Variants in USP47 observed in about 807,000 individuals in gnomAD.
USP47 encodes the protein ubiquitin specific peptidase 47.
In USP47, 35 loss-of-function variants were observed where a neutral mutation model predicts 165.1. The ratio of observed to expected loss-of-function variants is 0.21; its 90% CI spans 0.16 to 0.28. The LOEUF (loss-of-function observed/expected upper bound fraction) is 0.28. Among genes scored for constraint, USP47 ranks in the 10% least tolerant of loss-of-function variants. The probability of loss-of-function intolerance (pLI) is 1.00; values close to 1 mark genes in which losing one functional copy is unlikely to be tolerated. For missense variants in USP47, 1,277 were observed against 1,607.4 expected (o/e 0.79, Z 3.52); for synonymous variants, 531 against 544.5 (o/e 0.98, Z 0.35).
At chr11:11,903,960 A>G (rs1232037077) in intron 7 of USP47, among the ~76,000 whole-genome samples, 1 of 152,160 alleles carries the variant, frequency 6.6e-6, no homozygotes, top group East Asian at 1.9e-4. Flanking sequence ...TAAGGTAGCT[A>G]GAAGGGTCTG....
chr11:11,894,027 C>T (rs772336999), intron 4 of USP47, among the ~76,000 whole-genome samples: 4 of 151,810 alleles, frequency 2.6e-5, no homozygotes, highest in Non-Finnish European at 4.4e-5. Context: ...AGCAAACAAC[C>T]ACAATAAAAA....
At chr11:11,861,131 G>T (rs549943566) in intron 1 of USP47, among the ~76,000 whole-genome samples, 11 of 152,094 alleles carry the variant, frequency 7.2e-5, no homozygotes, top group Non-Finnish European at 1.5e-4. Flanking sequence ...GTCCCGCTCT[G>T]TCGCCCAAGC....
chr11:11,845,779 A>G (rs917545889), intron 1 of USP47, among the ~76,000 whole-genome samples: 2 of 152,226 alleles, frequency 1.3e-5, no homozygotes, highest in African/African-American at 2.4e-5. Flanking sequence ...GCTTTAATAC[A>G]TACTTCTATG....
At chr11:11,920,302 A>T (rs1853736784) in intron 9 of USP47, 40 bp from the exon 10 acceptor site, 1 of 1,607,152 alleles carries the variant, frequency 6.2e-7, no homozygotes, top group African/African-American at 1.3e-5. Flanking sequence ...AATATTCCAT[A>T]TTCAATAGAC....
chr11:11,888,476 C>T (rs1851308765), intron 3 of USP47, among the ~76,000 whole-genome samples: 1 of 152,188 alleles, frequency 6.6e-6, no homozygotes, highest in East Asian at 1.9e-4. Context: ...TTCCTGGACA[C>T]ATACACCGTT....
intron 18 of USP47, among the ~76,000 whole-genome samples, chr11:11,939,987 C>T (rs531994163): frequency 2.7e-4 from 41 of 152,028 alleles, no homozygotes; most frequent in Admixed American, 6.6e-4. Flanking sequence ...TCTCATTTTA[C>T]ACAAAGGAAA....
rs1397081067 is a variant in USP47 at position 11,958,468 on chromosome 11, G to C, written c.*2293G>C. On this transcript the variant is annotated 3_prime_UTR_variant, in exon 28 of 28. Transcript: ENST00000527733. The stretch of plus-strand genomic sequence containing the variant: ...GCCTCCCTCTGCTTCAGAGAGTCAG[G>C]TGAGCATCCATAACCTAACAGGCAG... 6.6e-6 allele frequency: 1 copy of C among 152,224 alleles called. No individual in the cohort carries two copies. Among genetic ancestry groups the C allele is most frequent in the Non-Finnish European group, 1.5e-5 (1 of 68,038 alleles). The allele number at this position is 152,224 out of a possible 1,614,324, so 9.4% of individuals were successfully genotyped here.
rs773765955 is a variant in USP47 at position 11,949,874 on chromosome 11, T to C, written c.3349-15T>C. The C allele has an allele frequency of 1.3e-6, 2 of 1,550,278 alleles. No individual in the cohort carries two copies. Among genetic ancestry groups the C allele is most frequent in the Non-Finnish European group, 1.8e-6 (2 of 1,124,474 alleles). ...GTATAATTCAAGCTCTGATTGTTTA[T>C]GTTTATATTTCTAGCCATGCAAGTT... is the stretch of plus-strand genomic sequence containing the variant. On this transcript the variant is annotated splice_polypyrimidine_tract_variant and intron_variant, in intron 22 of 27. Coordinates refer to ENST00000527733, the MANE Select transcript of USP47 (RefSeq NM_001282659.2).
intron 11 of USP47, among the ~76,000 whole-genome samples, chr11:11,929,032 T>G (rs984645400): frequency 6.6e-6 from 1 of 152,062 alleles, no homozygotes; most frequent in Non-Finnish European, 1.5e-5. Context: ...TCAGCTCTTT[T>G]GTAAAGGAAA....
In USP47 at chr11:11,874,628, C is replaced by T. The variant is rs1850274396; in HGVS notation, c.40-5549C>T. On this transcript the variant is annotated intron_variant, in intron 1 of 27. Coordinates refer to ENST00000527733, the MANE Select transcript of USP47 (RefSeq NM_001282659.2). ...AGGCTGGAGTGCAATGGTGTGACCT[C>T]GGCTGACTGCAACCTCTGCCTCCTG... 2.6e-5 allele frequency among the ~76,000 whole-genome samples: 4 copies of T among 151,052 alleles called. No homozygotes were observed. In the South Asian group the frequency reaches 6.2e-4, roughly 24 times the overall value.
At chr11:11,923,854 A>C (rs770002813) in intron 11 of USP47, among the ~76,000 whole-genome samples, 1 of 152,254 alleles carries the variant, frequency 6.6e-6, no homozygotes, top group African/African-American at 2.4e-5. Context: ...AGTACATTGT[A>C]ACTGAGTATA....
chr11:11,955,034 G>A lies in USP47; in HGVS notation c.3763G>A (p.Gly1255Ser), dbSNP rs1252765692. Residue 1255 changes from glycine to serine, a missense_variant and splice_region_variant, in exon 27 of 28, where the codon GGT (glycine) becomes AGT (serine). Around this residue, in one of 4 missense-constraint regions of USP47, gnomAD observed 909 missense variants for 1,068.1 expected, o/e 0.85. Transcript: ENST00000527733. Reference protein sequence around the residue: ...IPLDDIEFAKGRGTFPCDISV... With the variant: ...IPLDDIEFAKSRGTFPCDISV... ...ATTCATTCATTCTTTTTCTTTTTAG[G>A]GTAGAGGAACATTTCCCTGTGATAT... 11 of 1,613,204 alleles carry A rather than the reference G, an allele frequency of 6.8e-6. No individual in the cohort carries two copies. The highest frequency in any genetic ancestry group is 9.3e-6 in the Non-Finnish European group (11 of 1,179,684).
chr11:11,855,959 C>T (rs1359463098), intron 1 of USP47, among the ~76,000 whole-genome samples: 1 of 152,054 alleles, frequency 6.6e-6, no homozygotes, highest in African/African-American at 2.4e-5. Flanking sequence ...GACCATAGAG[C>T]GGGGAGCAGC....
intron 1 of USP47, among the ~76,000 whole-genome samples, chr11:11,871,501 CAAAAAAAAAAAAAAAA>C (rs71037046): frequency 0.28 from 17,381 of 62,788 alleles, 1,806 homozygotes; most frequent in Non-Finnish European, 0.39. Flanking sequence ...AACTCCCTCT[CAAAAAAAAAAAAAAAA>C]AAAAAAAAAA....
intron 1 of USP47, among the ~76,000 whole-genome samples, chr11:11,847,455 C>T (rs961380782): frequency 1.3e-5 from 2 of 152,094 alleles, no homozygotes; most frequent in Non-Finnish European, 2.9e-5. Flanking sequence ...GATATCTGTA[C>T]TTGGTTGTAC....
At chr11:11,934,257 G>A (rs1444411200) in intron 16 of USP47, among the ~76,000 whole-genome samples, 1 of 152,102 alleles carries the variant, frequency 6.6e-6, no homozygotes, top group Non-Finnish European at 1.5e-5. Flanking sequence ...ATATTAGAGT[G>A]AATAAGATAA....
chr11:11,883,847 C>T (rs371844644), intron 2 of USP47, among the ~76,000 whole-genome samples: 4 of 152,256 alleles, frequency 2.6e-5, no homozygotes, highest in African/African-American at 9.6e-5. Context: ...ACAGTCACTT[C>T]CATACCCCCT....
Position 11,956,219 on chromosome 11 carries a change from T to C in USP47, c.*44T>C. The C allele has an allele frequency of 6.2e-7, 1 of 1,607,854 alleles. No individual in the cohort carries two copies. ...TTCCCTGGGGGAGTTTTGGTTTTAA[T>C]TAGATGGTTCACTACCACTGGGTAG... On this transcript the variant is annotated 3_prime_UTR_variant, in exon 28 of 28. Coordinates refer to ENST00000527733, the MANE Select transcript of USP47 (RefSeq NM_001282659.2).
intron 1 of USP47, among the ~76,000 whole-genome samples, chr11:11,859,728 G>A (rs1849264902): frequency 6.6e-6 from 1 of 152,090 alleles, no homozygotes; most frequent in Admixed American, 6.6e-5. Context: ...GTAACTGATA[G>A]TTCTCTAATA....
Sources: allele counts gnomAD v4.1 joint callset (sites outside exome capture counted in the v4.1 genomes callset), GRCh38; gene constraint gnomAD v4.1.1; regional missense constraint gnomAD v4.1.1; transcripts MANE v1.5; gene names NCBI Gene and HGNC (gene_info 2026-07-23, HGNC 2026-07-21).